Variants in DOCK7 observed in about 807,000 individuals in gnomAD.
DOCK7 encodes the protein dedicator of cytokinesis protein 7.
Under a neutral mutation model 271.0 loss-of-function variants are expected in DOCK7, and 138 were observed. The observed-to-expected ratio is 0.51, with a 90% confidence interval of 0.44 to 0.59. DOCK7 has a LOEUF of 0.59. Among genes scored for constraint, DOCK7 ranks in the 20% least tolerant of loss-of-function variants. The pLI is 0.00. For synonymous variants in DOCK7, 823 were observed against 876.1 expected, an observed-to-expected ratio of 0.94 and a Z score of 1.07; for missense variants, 2,066 against 2,592.4, an observed-to-expected ratio of 0.80 and a Z score of 4.41.
intron 1 of DOCK7, among the ~76,000 whole-genome samples, chr1:62,681,764 C>G (rs1357482726): frequency 6.6e-6 from 1 of 151,868 alleles, no homozygotes; most frequent in South Asian, 2.1e-4. Flanking sequence ...TGAAATACTA[C>G]AAAGCAATGA....
At chr1:62,620,087 A>C (rs1314022048) in intron 12 of DOCK7, 94 bp from the exon 13 acceptor site, 2 of 900,084 alleles carry the variant, frequency 2.2e-6, no homozygotes, top group Non-Finnish European at 3.4e-6. Context: ...TGGGAGGCTG[A>C]GGCGGGCGGA....
chr1:62,613,071 C>CA (rs1651993093), intron 14 of DOCK7, among the ~76,000 whole-genome samples: 1 of 152,136 alleles, frequency 6.6e-6, no homozygotes, highest in Non-Finnish European at 1.5e-5. Flanking sequence ...ATTTGGAACA[C>CA]AAGTAACATT....
chr1:62,680,517 C>T (rs892919322), intron 1 of DOCK7, among the ~76,000 whole-genome samples: 6 of 151,536 alleles, frequency 4.0e-5, no homozygotes, highest in Admixed American at 2.6e-4. Context: ...GCAATGGCAA[C>T]AAAAGCCAAA....
intron 1 of DOCK7, among the ~76,000 whole-genome samples, chr1:62,666,839 C>G (rs1463222235): frequency 6.6e-6 from 1 of 152,134 alleles, no homozygotes; most frequent in Non-Finnish European, 1.5e-5. Context: ...ACTTATGCCC[C>G]TAAATTATAA....
At chr1:62,463,571 C>T (rs1480631292) in intron 48 of DOCK7, among the ~76,000 whole-genome samples, 1 of 152,100 alleles carries the variant, frequency 6.6e-6, no homozygotes, top group African/African-American at 2.4e-5. Flanking sequence ...ACCAAAATAT[C>T]CATCAACAGA....
chr1:62,530,303 G>C (rs986216315), intron 29 of DOCK7, among the ~76,000 whole-genome samples: 1 of 152,170 alleles, frequency 6.6e-6, no homozygotes, highest in African/African-American at 2.4e-5. Flanking sequence ...AGCTCACAAA[G>C]AGTCTTTCCT....
At chr1:62,497,449 C>T (rs142708385) in intron 37 of DOCK7, among the ~76,000 whole-genome samples, 81 of 152,168 alleles carry the variant, frequency 5.3e-4, no homozygotes, top group Non-Finnish European at 1.0e-3. Flanking sequence ...GTCTAAAATA[C>T]CTTCTCTCCC....
At chr1:62,602,976 CATGA>C in intron 14 of DOCK7, among the ~76,000 whole-genome samples, 1 of 151,584 alleles carries the variant, frequency 6.6e-6, no homozygotes, top group Middle Eastern at 3.4e-3. Context: ...TACAAAAATC[CATGA>C]ATGATGTCTA....
chr1:62,630,344 G>A lies in DOCK7; in HGVS notation c.1282+896C>T, dbSNP rs1383364291. 2.6e-5 allele frequency among the ~76,000 whole-genome samples: 4 copies of A among 152,058 alleles called. No homozygotes were observed. The East Asian group carries it at 5.8e-4, about 22-fold the overall frequency. On this transcript the variant is annotated intron_variant, in intron 11 of 49. Transcript: ENST00000635253. ...GTGGCTGTGGTTTTCGGTCCAGCTC[G>A]CCACTCTGCATGTAAGTTCCCTCAG... is the stretch of plus-strand genomic sequence containing the variant.
chr1:62,598,195 C>A, intron 14 of DOCK7: 1 of 898,524 alleles, frequency 1.1e-6, no homozygotes, highest in African/African-American at 1.8e-5. Flanking sequence ...AAAATAATCT[C>A]CAGAAAATAA....
chr1:62,459,090 A>T (rs573329567), intron 48 of DOCK7: 1 of 152,334 alleles, frequency 6.6e-6, no homozygotes, highest in Admixed American at 6.5e-5. Flanking sequence ...AGTATCAAAA[A>T]TTGCAAAAGT....
At chr1:62,589,606 G>C (rs1648127234) in intron 14 of DOCK7, among the ~76,000 whole-genome samples, 1 of 151,322 alleles carries the variant, frequency 6.6e-6, no homozygotes, top group African/African-American at 2.4e-5. Context: ...AGTACAAAGA[G>C]TTGGGGAGAA....
intron 14 of DOCK7, among the ~76,000 whole-genome samples, chr1:62,606,749 C>A (rs181418160): frequency 2.6e-5 from 4 of 152,240 alleles, no homozygotes; most frequent in Admixed American, 2.0e-4. Flanking sequence ...CTTTTCTACA[C>A]TGACCCTCAG....
intron 29 of DOCK7, among the ~76,000 whole-genome samples, chr1:62,531,895 G>A (rs945227499): frequency 6.6e-6 from 1 of 152,190 alleles, no homozygotes; most frequent in Non-Finnish European, 1.5e-5. Flanking sequence ...ATACAGCACT[G>A]AACAAGAAAG....
Position 62,586,187 on chromosome 1 carries a change from A to T in DOCK7, c.1800+320T>A, listed in dbSNP as rs528441929. ...CCAAAAGTACAGAAAAGATATCTCTACTTTGATAGAGTTCTCTAGGTGATC... is the reference window on the plus strand; with the variant it reads ...CCAAAAGTACAGAAAAGATATCTCTTCTTTGATAGAGTTCTCTAGGTGATC... On this transcript the variant is annotated intron_variant, in intron 15 of 49. Coordinates refer to ENST00000635253, the MANE Select transcript of DOCK7 (RefSeq NM_001367561.1). Among the ~76,000 whole-genome samples, 37 of 152,286 alleles carry T rather than the reference A, an allele frequency of 2.4e-4. No homozygotes were observed. In the South Asian group the frequency reaches 7.7e-3, roughly 32 times the overall value.
rs377298813 is a variant in DOCK7 at position 62,681,241 on chromosome 1, T to C, written c.38+6986A>G. On this transcript the variant is annotated intron_variant, in intron 1 of 49. Transcript: ENST00000635253. ...TGAGTTCATGTCCTTTGTAGGGACATGGATGAAGCTGGAAACCATCATTCT... is the reference window on the plus strand; with the variant it reads ...TGAGTTCATGTCCTTTGTAGGGACACGGATGAAGCTGGAAACCATCATTCT... Among the ~76,000 whole-genome samples the C allele has an allele frequency of 8.5e-5, 13 of 152,048 alleles. No individual in the cohort carries two copies. In the East Asian group the frequency reaches 2.3e-3, roughly 27 times the overall value.
intron 18 of DOCK7, among the ~76,000 whole-genome samples, chr1:62,563,290 A>G (rs1025829230): frequency 6.6e-6 from 1 of 152,174 alleles, no homozygotes; most frequent in Admixed American, 6.5e-5. Context: ...AGAATATTTC[A>G]GTAAGATCTA....
In DOCK7 at chr1:62,561,641, A is replaced by G. The variant is rs373811323; in HGVS notation, c.2175T>C (p.Val725=). 1.9e-6 allele frequency: 3 copies of G among 1,570,510 alleles called. No homozygotes were observed. Among genetic ancestry groups the G allele is most frequent in the Non-Finnish European group, 2.6e-6 (3 of 1,165,620 alleles). The change falls in exon 19 of 50, where the codon GTT becomes GTC. Residue 725 remains valine, a synonymous_variant. Coordinates refer to ENST00000635253, the MANE Select transcript of DOCK7 (RefSeq NM_001367561.1). ...CTTGTGTATGGATAGACGAAACAGC[A>G]ACAACTTCAACATTAAAAACACCTT... is the stretch of plus-strand genomic sequence containing the variant. ...NHKGVFNVEV[V]AVSSIHTQDP... is the part of the protein sequence containing the mutation.
intron 14 of DOCK7, among the ~76,000 whole-genome samples, chr1:62,614,035 C>T (rs536103156): frequency 1.3e-5 from 2 of 151,898 alleles, no homozygotes; most frequent in Admixed American, 1.3e-4. Flanking sequence ...TAACATTATT[C>T]ACTGGGAAAA....
Sources: allele counts gnomAD v4.1 joint callset (sites outside exome capture counted in the v4.1 genomes callset), GRCh38; gene constraint gnomAD v4.1.1; transcripts MANE v1.5; gene names NCBI Gene and HGNC (gene_info 2026-07-23, HGNC 2026-07-21).